PCDHA6: variants seen among roughly 807,000 people sequenced by gnomAD.
PCDHA6 encodes protocadherin alpha-6.
A neutral mutation model predicts 60.3 loss-of-function variants in PCDHA6; 55 were observed. That is an observed-to-expected ratio of 0.91 (90% CI 0.73 to 1.14). The LOEUF (loss-of-function observed/expected upper bound fraction) is 1.14. Ranked by LOEUF, PCDHA6 falls within the 50% of genes most tolerant of loss-of-function variation. PCDHA6 has a pLI of 0.00. For missense variants in PCDHA6, 1,327 were observed against 1,256.5 expected (o/e 1.06, Z -0.85); for synonymous variants, 652 against 557.9 (o/e 1.17, Z -2.38).
chr5:140,892,661 T>A (rs2063613573), intron 1 of PCDHA6, among the ~76,000 whole-genome samples: 1 of 152,232 alleles, frequency 6.6e-6, no homozygotes, highest in Non-Finnish European at 1.5e-5. Flanking sequence ...CAGAGTGACA[T>A]TTTGATACAT....
In PCDHA6 at chr5:140,829,760, G is replaced by T. The variant is rs1554132217; in HGVS notation, c.1669G>T (p.Asp557Tyr). 1 of 1,613,780 alleles carries T rather than the reference G, an allele frequency of 6.2e-7. No homozygotes were observed. Residue 557 changes from aspartate (D) to tyrosine (Y), a missense_variant, in exon 1 of 4, where the codon GAC becomes TAC. By Grantham distance (160) the Asp-to-Tyr change is radical (BLOSUM62 -3). Coordinates refer to ENST00000529310, the MANE Select transcript of PCDHA6 (RefSeq NM_018909.4). The part of the protein sequence containing the change: ...SNVTLQVFVL[D>Y]ENDNAPALLA... ...CGTGACGCTGCAGGTGTTCGTGCTG[G>T]ACGAGAACGACAACGCGCCGGCGCT...
chr5:140,855,868 A>C, intron 1 of PCDHA6: 1 of 837,366 alleles, frequency 1.2e-6, no homozygotes, highest in Non-Finnish European at 1.8e-6. Flanking sequence ...GCTGTCGTCC[A>C]CAAAATAGCT....
chr5:140,838,073 ATATAGTGTGTGTGTGTGTGT>A (rs1417460358), intron 1 of PCDHA6, among the ~76,000 whole-genome samples: 1 of 126,728 alleles, frequency 7.9e-6, no homozygotes, highest in African/African-American at 3.2e-5. Context: ...AGTTATATAT[ATATAGTGTGTGTGTGTGTGT>A]GTGTGTGTGT....
intron 1 of PCDHA6, chr5:140,861,406 T>C (rs1301419453): frequency 2.3e-5 from 11 of 470,150 alleles, no homozygotes; most frequent in African/African-American, 2.2e-4. Flanking sequence ...CTTGTGGAGC[T>C]GATACCGCGC....
chr5:140,882,061 G>GT, intron 1 of PCDHA6: 1 of 816,902 alleles, frequency 1.2e-6, no homozygotes, highest in Non-Finnish European at 1.9e-6. Flanking sequence ...ACACTTACAC[G>GT]TTCATGCGCA....
intron 1 of PCDHA6, chr5:140,841,257 C>T: frequency 1.3e-6 from 2 of 1,515,268 alleles, no homozygotes; most frequent in Non-Finnish European, 1.8e-6. Context: ...TTAAAAGACT[C>T]TGAAAGTACA....
Position 140,842,156 on chromosome 5 carries a change from T to G in PCDHA6, c.2394+11671T>G, listed in dbSNP as rs2150330678. 3.3e-5 allele frequency: 54 copies of G among 1,613,784 alleles called. 1 individual carries two copies. The South Asian group carries it at 5.9e-4, about 18-fold the overall frequency. ...TGAAGGAGCCAATGGGGCAATTTCA[T>G]ATTCTTTTAATAGCCTTGTTGAAAC... On this transcript the variant is annotated intron_variant, in intron 1 of 3. Coordinates refer to ENST00000529310, the MANE Select transcript of PCDHA6 (RefSeq NM_018909.4).
chr5:140,984,969 G>A (rs1045140349), intron 3 of PCDHA6, among the ~76,000 whole-genome samples: 8 of 151,670 alleles, frequency 5.3e-5, no homozygotes, highest in South Asian at 2.1e-4. Context: ...ACAGAGTCTC[G>A]CTCTGTCCCC....
At chr5:140,894,184 A>T (rs1411546476) in intron 1 of PCDHA6, among the ~76,000 whole-genome samples, 13 of 152,046 alleles carry the variant, frequency 8.6e-5, no homozygotes, top group African/African-American at 3.1e-4. Context: ...TTCCATAGTT[A>T]TATATTTTTT....
At chr5:140,917,337 G>GA (rs1240219857) in intron 1 of PCDHA6, among the ~76,000 whole-genome samples, 3 of 142,560 alleles carry the variant, frequency 2.1e-5, no homozygotes, top group Non-Finnish European at 4.7e-5. Context: ...GGGAGGGGGG[G>GA]GATGGTGTAG....
chr5:140,850,517 G>A, intron 1 of PCDHA6: 1 of 1,598,300 alleles, frequency 6.3e-7, no homozygotes, highest in Non-Finnish European at 8.6e-7. Context: ...AGAGCGGCCA[G>A]GCGCCAAAGT....
In PCDHA6 at chr5:140,829,449, C is replaced by A; in HGVS notation, c.1358C>A (p.Pro453Gln). 2.5e-6 allele frequency: 4 copies of A among 1,613,926 alleles called. No homozygotes were observed. Among genetic ancestry groups the A allele is most frequent in the Non-Finnish European group, 3.4e-6 (4 of 1,180,038 alleles). ...VEVADMNDNA[P>Q]AFAQPEYTVF... ...GTGGCCGACATGAATGACAATGCTC[C>A]GGCGTTCGCGCAGCCCGAGTACACA... is the stretch of plus-strand genomic sequence containing the variant. Residue 453 changes from proline to glutamine, a missense_variant, in exon 1 of 4, where the codon CCG becomes CAG. Transcript: ENST00000529310.
At chr5:140,980,196 A>T (rs1404667828) in intron 2 of PCDHA6, among the ~76,000 whole-genome samples, 1 of 152,214 alleles carries the variant, frequency 6.6e-6, no homozygotes, top group Non-Finnish European at 1.5e-5. Flanking sequence ...TTTATTAGAG[A>T]CCAACTTGTG....
intron 1 of PCDHA6, chr5:140,841,999 T>G: frequency 6.2e-7 from 1 of 1,613,818 alleles, no homozygotes; most frequent in Non-Finnish European, 8.5e-7. Flanking sequence ...CAGGCACTGT[T>G]CAGCTGCTGG....
chr5:140,889,509 C>T (rs2062255316), intron 1 of PCDHA6, among the ~76,000 whole-genome samples: 2 of 152,026 alleles, frequency 1.3e-5, no homozygotes, highest in Admixed American at 6.6e-5. Flanking sequence ...ATTTCCCTTT[C>T]CATTCTTGAT....
chr5:140,849,079 T>C (rs1554142746), intron 1 of PCDHA6: 1 of 1,521,712 alleles, frequency 6.6e-7, no homozygotes, highest in African/African-American at 1.5e-5. Flanking sequence ...CTTGGACTTG[T>C]ATTACGGAAA....
chr5:140,916,563 G>A (rs2077621809), intron 1 of PCDHA6, among the ~76,000 whole-genome samples: 1 of 152,198 alleles, frequency 6.6e-6, no homozygotes, highest in African/African-American at 2.4e-5. Context: ...TGTCCAGGGT[G>A]TGTCTAGAAA....
At chr5:140,907,938 T>C (rs2073706734) in intron 1 of PCDHA6, among the ~76,000 whole-genome samples, 1 of 152,206 alleles carries the variant, frequency 6.6e-6, no homozygotes, top group African/African-American at 2.4e-5. Flanking sequence ...TCACATACCT[T>C]TTCCCCAAAT....
At chr5:140,885,073 T>TA (rs1196857475) in intron 1 of PCDHA6, among the ~76,000 whole-genome samples, 2 of 152,226 alleles carry the variant, frequency 1.3e-5, no homozygotes, top group African/African-American at 4.8e-5. Context: ...GATATTATTT[T>TA]AAAGAGCCCC....
Sources: allele counts gnomAD v4.1 joint callset (sites outside exome capture counted in the v4.1 genomes callset), GRCh38; gene constraint gnomAD v4.1.1; transcripts MANE v1.5; gene names NCBI Gene and HGNC (gene_info 2026-07-23, HGNC 2026-07-21).